Variants in GRID1 observed in about 807,000 individuals in gnomAD.
GRID1 encodes the protein glutamate receptor ionotropic, delta-1.
In GRID1, 28 loss-of-function variants were observed where a neutral mutation model predicts 98.0. The observed-to-expected ratio is 0.29, with a 90% CI of 0.21 to 0.39. The LOEUF (loss-of-function observed/expected upper bound fraction) is 0.39, where lower values mean the gene tolerates loss of function less well. GRID1 is among the 10% of genes least tolerant of loss of function. The pLI is 1.00. For missense variants in GRID1, 1,111 were observed against 1,340.5 expected (o/e 0.83, Z 2.67); for synonymous variants, 553 against 538.5 (o/e 1.03, Z -0.37).
intron 12 of GRID1, among the ~76,000 whole-genome samples, chr10:85,660,704 A>G (rs1000023172): frequency 6.6e-5 from 10 of 152,102 alleles, no homozygotes; most frequent in Non-Finnish European, 1.3e-4. Flanking sequence ...GGGAAGCAAC[A>G]CAGTGCAGTT....
chr10:85,666,768 C>T (rs1841023024), intron 12 of GRID1, among the ~76,000 whole-genome samples: 1 of 152,170 alleles, frequency 6.6e-6, no homozygotes, highest in Non-Finnish European at 1.5e-5. Context: ...GCATCTAACA[C>T]TTACGTAGTC....
At chr10:85,822,960 T>C (rs1590248697) in intron 8 of GRID1, among the ~76,000 whole-genome samples, 1 of 152,178 alleles carries the variant, frequency 6.6e-6, no homozygotes, top group Non-Finnish European at 1.5e-5. Flanking sequence ...ACACCATATG[T>C]TCTCACTCAT....
intron 13 of GRID1, among the ~76,000 whole-genome samples, chr10:85,643,071 G>A (rs780961754): frequency 6.6e-6 from 1 of 152,032 alleles, no homozygotes; most frequent in Non-Finnish European, 1.5e-5. Context: ...AAAGCCTTAG[G>A]ACTCCCAAGG....
intron 2 of GRID1, among the ~76,000 whole-genome samples, chr10:86,233,624 C>G (rs1442160647): frequency 6.6e-6 from 1 of 152,200 alleles, no homozygotes; most frequent in African/African-American, 2.4e-5. Context: ...ACCCCTCCTT[C>G]CCTCCAGAGG....
intron 12 of GRID1, among the ~76,000 whole-genome samples, chr10:85,691,401 T>A (rs941391194): frequency 6.6e-6 from 1 of 152,174 alleles, no homozygotes; most frequent in Non-Finnish European, 1.5e-5. Flanking sequence ...TTCTGTGCAT[T>A]ACCTCTCAAT....
intron 3 of GRID1, among the ~76,000 whole-genome samples, chr10:86,201,695 TAA>T (rs10685803): frequency 2.1e-5 from 3 of 141,452 alleles, no homozygotes; most frequent in Non-Finnish European, 1.5e-5. Context: ...AAATAAAAGT[TAA>T]AAAAAAAAAA....
intron 8 of GRID1, among the ~76,000 whole-genome samples, chr10:85,758,920 G>A (rs1169313129): frequency 2.6e-5 from 4 of 152,210 alleles, no homozygotes; most frequent in African/African-American, 9.6e-5. Context: ...TAGAGGACAA[G>A]CTGCTTAACC....
intron 12 of GRID1, among the ~76,000 whole-genome samples, chr10:85,701,386 A>T (rs1841449887): frequency 6.6e-6 from 1 of 152,160 alleles, no homozygotes; most frequent in Non-Finnish European, 1.5e-5. Flanking sequence ...GCCAAGAAAA[A>T]AAAAAGGTTA....
intron 4 of GRID1, among the ~76,000 whole-genome samples, chr10:86,135,940 C>T (rs1389111072): frequency 6.6e-6 from 1 of 152,208 alleles, no homozygotes; most frequent in East Asian, 1.9e-4. Context: ...ATGCCAACTC[C>T]AGCTCATCTG....
At chr10:85,978,770 C>A (rs930041282) in intron 4 of GRID1, among the ~76,000 whole-genome samples, 7 of 152,212 alleles carry the variant, frequency 4.6e-5, no homozygotes, top group African/African-American at 1.4e-4. Flanking sequence ...AAGCAGTGTG[C>A]TGATGAAGTC....
In GRID1 at chr10:85,737,673, T is replaced by TATATATATATATATATATATATATATAA. The variant is rs1342754070; in HGVS notation, c.1234-8060_1234-8059insTTATATATATATATATATATATATATAT. Among the ~76,000 whole-genome samples, 310 of 112,740 alleles carry TATATATATATATATATATATATATATAA rather than the reference T, an allele frequency of 2.7e-3. 13 individuals are homozygous for TATATATATATATATATATATATATATAA. Among genetic ancestry groups the TATATATATATATATATATATATATATAA allele is most frequent in the Admixed American group, 3.2e-3 (35 of 10,818 alleles). 74.0% of individuals were successfully genotyped at this position (112,740 alleles called of 152,430 possible). ...ATATATATATATATATATATATATA[T>TATATATATATATATATATATATATATAA]AAACATATATGGTTATATATATATA... On this transcript the variant is annotated intron_variant, in intron 8 of 15. Coordinates refer to ENST00000327946, the MANE Select transcript of GRID1 (RefSeq NM_017551.3).
Position 85,602,384 on chromosome 10 carries a change from C to A in GRID1, c.2919G>T (p.Gly973=). 1 of 1,609,346 alleles carries A rather than the reference C, an allele frequency of 6.2e-7. No homozygotes were observed. Among genetic ancestry groups the A allele is most frequent in the Non-Finnish European group, 8.5e-7 (1 of 1,176,320 alleles). The change falls in exon 16 of 16, where the codon GGG becomes GGT. Residue 973 remains glycine, a synonymous_variant. Coordinates refer to ENST00000327946, the MANE Select transcript of GRID1 (RefSeq NM_017551.3). ...TCACCGGGCTCTGCCGGAACAGCCCCCCGTTGGGTGACCTGTGTTTGCACT... is the reference window on the plus strand; with the variant it reads ...TCACCGGGCTCTGCCGGAACAGCCCACCGTTGGGTGACCTGTGTTTGCACT... ...SMQCKHRSPN[G]GLFRQSPVKT...
At chr10:85,920,690 T>C (rs995018609) in intron 4 of GRID1, among the ~76,000 whole-genome samples, 1 of 149,732 alleles carries the variant, frequency 6.7e-6, no homozygotes. Context: ...AGCTGCATAA[T>C]GCTGTGGGCA....
chr10:86,343,444 C>T (rs1176761777), intron 2 of GRID1, among the ~76,000 whole-genome samples: 1 of 152,194 alleles, frequency 6.6e-6, no homozygotes, highest in Non-Finnish European at 1.5e-5. Context: ...GAAAGAAACC[C>T]AATATCTTGA....
At chr10:85,808,973 T>C (rs1255208942) in intron 8 of GRID1, among the ~76,000 whole-genome samples, 1 of 152,094 alleles carries the variant, frequency 6.6e-6, no homozygotes, top group Non-Finnish European at 1.5e-5. Context: ...TATGCTTGTA[T>C]GTCAAAGAAA....
At chr10:85,929,485 A>T (rs945106538) in intron 4 of GRID1, among the ~76,000 whole-genome samples, 1 of 152,118 alleles carries the variant, frequency 6.6e-6, no homozygotes, top group Non-Finnish European at 1.5e-5. Context: ...TTTCTTATTA[A>T]CTCCATTCTA....
At chr10:86,346,322 T>C in intron 2 of GRID1, among the ~76,000 whole-genome samples, 1 of 152,246 alleles carries the variant, frequency 6.6e-6, no homozygotes, top group East Asian at 1.9e-4. Flanking sequence ...AATTTTAAAG[T>C]AATTAAGTCC....
intron 2 of GRID1, among the ~76,000 whole-genome samples, chr10:86,251,125 A>G (rs1465847303): frequency 6.6e-6 from 1 of 152,158 alleles, no homozygotes; most frequent in Non-Finnish European, 1.5e-5. Context: ...GTGCTTTGTT[A>G]AACAGATGCT....
chr10:85,602,054 T>C lies in GRID1; in HGVS notation c.*219A>G. 1 of 447,850 alleles carries C rather than the reference T, an allele frequency of 2.2e-6. No individual in the cohort carries two copies. The highest frequency in any genetic ancestry group is 3.2e-5 in the East Asian group (1 of 31,502). The allele number at this position is 447,850 out of a possible 1,614,324, so 27.7% of individuals were successfully genotyped here. A position where few individuals can be genotyped will look rare whatever the true frequency, so the allele number is the denominator to read the frequency against. Reference sequence around the variant, plus strand: ...ATTTACAAAGTCATTCATACAGTTTTTGTGTTTTTTTACTGACTTCGAAAA... The same window carrying C: ...ATTTACAAAGTCATTCATACAGTTTCTGTGTTTTTTTACTGACTTCGAAAA... On this transcript the variant is annotated 3_prime_UTR_variant, in exon 16 of 16. Coordinates refer to ENST00000327946, the MANE Select transcript of GRID1 (RefSeq NM_017551.3).
Sources: allele counts gnomAD v4.1 joint callset (sites outside exome capture counted in the v4.1 genomes callset), GRCh38; gene constraint gnomAD v4.1.1; transcripts MANE v1.5; gene names NCBI Gene and HGNC (gene_info 2026-07-23, HGNC 2026-07-21).